The following PRKN variants were observed in gnomAD, a reference collection of about 807,000 sequenced individuals.
PRKN encodes E3 ubiquitin-protein ligase parkin.
PRKN carries 56 observed loss-of-function variants against 59.5 expected under a neutral mutation model. The ratio of observed to expected loss-of-function variants is 0.94; its 90% CI spans 0.76 to 1.18. The LOEUF is 1.18. Among genes scored for constraint, PRKN ranks in the 50% most tolerant of loss-of-function variants. PRKN has a pLI of 0.00. For missense variants in PRKN, 657 were observed against 596.4 expected (o/e 1.10, Z -1.06); for synonymous variants, 250 against 222.1 (o/e 1.13, Z -1.12).
In PRKN at chr6:162,622,376, G is replaced by A. The variant is rs555429300; in HGVS notation, c.7+105286C>T. Among the ~76,000 whole-genome samples the A allele has an allele frequency of 1.0e-3, 155 of 151,530 alleles. 1 individual carries two copies. The highest frequency in any genetic ancestry group is 3.6e-3 in the African/African-American group (149 of 41,370). On this transcript the variant is annotated intron_variant, in intron 1 of 11. Transcript: ENST00000366898. The stretch of plus-strand genomic sequence containing the variant: ...TTTTTGCATTTTTAGTAGAGACGGG[G>A]TTTTGCAATGTTGGCCAGGTTGGTC...
chr6:162,356,982 G>T (rs148752516), intron 2 of PRKN, among the ~76,000 whole-genome samples: 1 of 151,880 alleles, frequency 6.6e-6, no homozygotes, highest in South Asian at 2.1e-4. Context: ...CTAAAAATGC[G>T]CCATAAACTT....
intron 6 of PRKN, among the ~76,000 whole-genome samples, chr6:161,867,792 A>G (rs1794183856): frequency 7.6e-6 from 1 of 130,970 alleles, no homozygotes; most frequent in Non-Finnish European, 1.6e-5. Flanking sequence ...ACAGAGTCTC[A>G]CTCTGTCACC....
intron 6 of PRKN, among the ~76,000 whole-genome samples, chr6:161,934,561 T>TGTGTCTCATCAGAATA (rs528179591): frequency 1.8e-3 from 267 of 152,334 alleles, no homozygotes; most frequent in African/African-American, 5.9e-3. Context: ...GCAGAGATTC[T>TGTGTCTCATCAGAATA]GTGTCTCATC....
intron 1 of PRKN, among the ~76,000 whole-genome samples, chr6:162,510,351 G>C (rs1334487783): frequency 6.6e-6 from 1 of 151,856 alleles, no homozygotes; most frequent in African/African-American, 2.4e-5. Context: ...TCAGAATTTG[G>C]AATGCATTTT....
intron 1 of PRKN, among the ~76,000 whole-genome samples, chr6:162,545,769 T>C (rs1385959071): frequency 1.3e-5 from 2 of 152,148 alleles, no homozygotes; most frequent in South Asian, 2.1e-4. Flanking sequence ...TGTTTGATAA[T>C]TATAATCTAA....
chr6:161,535,311 A>G (rs994805844), intron 9 of PRKN, among the ~76,000 whole-genome samples: 1 of 152,242 alleles, frequency 6.6e-6, no homozygotes, highest in African/African-American at 2.4e-5. Flanking sequence ...TGAAAAATAT[A>G]TATTGTTACA....
rs542922575 is a variant in PRKN at position 162,698,060 on chromosome 6, A to G, written c.7+29602T>C. On this transcript the variant is annotated intron_variant, in intron 1 of 11. Transcript: ENST00000366898. ...TTGGGGACTTAACATATTTACTCCTACATATGTTAACTAAAAGCCTATGCT... is the reference window on the plus strand; with the variant it reads ...TTGGGGACTTAACATATTTACTCCTGCATATGTTAACTAAAAGCCTATGCT... Among the ~76,000 whole-genome samples, 284 of 152,294 alleles carry G rather than the reference A, an allele frequency of 1.9e-3. 1 individual carries two copies. Among genetic ancestry groups the G allele is most frequent in the African/African-American group, 6.7e-3 (277 of 41,570 alleles).
rs549450598 is a variant in PRKN at position 161,529,734 on chromosome 6, A to G, written c.1083+19120T>C. On this transcript the variant is annotated intron_variant, in intron 9 of 11. Coordinates refer to ENST00000366898, the MANE Select transcript of PRKN (RefSeq NM_004562.3). The surrounding 1 kb of genome is among the most constrained non-coding windows in gnomAD (Gnocchi z 4.4). Reference sequence around the variant, plus strand: ...ATAGTTTTGAAATCAAAAAAGATTTATAAACATTATTGGTACAACTGATTT... The same window carrying G: ...ATAGTTTTGAAATCAAAAAAGATTTGTAAACATTATTGGTACAACTGATTT... Among the ~76,000 whole-genome samples, 2 of 152,026 alleles carry G rather than the reference A, an allele frequency of 1.3e-5. No homozygotes were observed. The highest frequency in any genetic ancestry group is 2.1e-4 in the South Asian group (1 of 4,830).
At chr6:161,427,655 A>G (rs1438643564) in intron 9 of PRKN, among the ~76,000 whole-genome samples, 1 of 152,156 alleles carries the variant, frequency 6.6e-6, no homozygotes. Flanking sequence ...TGTAAAGTAT[A>G]TATTTCTTGA....
Position 162,011,381 on chromosome 6 carries a change from T to TATTTATAATATATAATATATTATA in PRKN, c.619-37965_619-37964insTATAATATATTATATATTATAAAT, listed in dbSNP as rs1562458825. Among the ~76,000 whole-genome samples the TATTTATAATATATAATATATTATA allele has an allele frequency of 1.4e-3, 19 of 13,360 alleles. 2 individuals carry two copies. Among genetic ancestry groups the TATTTATAATATATAATATATTATA allele is most frequent in the African/African-American group, 9.3e-3 (18 of 1,926 alleles). The allele number at this position is 13,360 out of a possible 152,430, so 8.8% of individuals were successfully genotyped here. ...TTTATAATATATATAATATATTATA[T>TATTTATAATATATAATATATTATA]ATTTATAATATATATTATAAATATA... On this transcript the variant is annotated intron_variant, in intron 5 of 11. Coordinates refer to ENST00000366898, the MANE Select transcript of PRKN (RefSeq NM_004562.3).
At chr6:161,932,783 C>T (rs1779214181) in intron 6 of PRKN, among the ~76,000 whole-genome samples, 1 of 151,644 alleles carries the variant, frequency 6.6e-6, no homozygotes, top group African/African-American at 2.4e-5. Context: ...TACAACTATA[C>T]TAGCAGAAAG....
intron 5 of PRKN, among the ~76,000 whole-genome samples, chr6:161,984,557 G>T (rs1789991): frequency 0.31 from 47,834 of 151,966 alleles, 7,756 homozygotes; most frequent in Non-Finnish European, 0.33. Flanking sequence ...CCCTGGCTGT[G>T]TTTTTCATTC....
chr6:162,560,074 T>C (rs1779772528), intron 1 of PRKN, among the ~76,000 whole-genome samples: 1 of 152,206 alleles, frequency 6.6e-6, no homozygotes, highest in African/African-American at 2.4e-5. Flanking sequence ...GTTAATATGA[T>C]GACAGAAGGG....
At chr6:162,128,556 G>A (rs1781214016) in intron 4 of PRKN, among the ~76,000 whole-genome samples, 1 of 152,168 alleles carries the variant, frequency 6.6e-6, no homozygotes, top group Admixed American at 6.6e-5. Context: ...AGGAGAGAAA[G>A]CAAGTCCACA....
intron 2 of PRKN, among the ~76,000 whole-genome samples, chr6:162,338,165 C>G (rs1336801446): frequency 1.3e-5 from 2 of 152,060 alleles, no homozygotes; most frequent in Admixed American, 6.6e-5. Flanking sequence ...CCAGGAGAGA[C>G]AAATGTACAA....
intron 4 of PRKN, among the ~76,000 whole-genome samples, chr6:162,065,982 T>C (rs1778321270): frequency 6.6e-6 from 1 of 152,208 alleles, no homozygotes. Flanking sequence ...GATGGACATT[T>C]GGGTTGGTTC....
At chr6:162,120,519 T>C (rs912368541) in intron 4 of PRKN, among the ~76,000 whole-genome samples, 1 of 152,202 alleles carries the variant, frequency 6.6e-6, no homozygotes, top group African/African-American at 2.4e-5. Context: ...TCATGGTAAC[T>C]AAAACTCCAT....
intron 5 of PRKN, among the ~76,000 whole-genome samples, chr6:162,022,050 A>G (rs185347672): frequency 6.6e-6 from 1 of 152,200 alleles, no homozygotes; most frequent in Admixed American, 6.5e-5. Flanking sequence ...TTGGCTGCAT[A>G]GTATTCTATG....
At chr6:161,612,342 T>C (rs1309056739) in intron 7 of PRKN, among the ~76,000 whole-genome samples, 3 of 152,190 alleles carry the variant, frequency 2.0e-5, no homozygotes, top group Non-Finnish European at 2.9e-5. Context: ...ACAGGCTGAT[T>C]CTCCTTAGGA....
Sources: allele counts gnomAD v4.1 joint callset (sites outside exome capture counted in the v4.1 genomes callset), GRCh38; gene constraint gnomAD v4.1.1; non-coding constraint Gnocchi (gnomAD v3.1); transcripts MANE v1.5; gene names NCBI Gene and HGNC (gene_info 2026-07-23, HGNC 2026-07-21).